The following ALK variants were observed in gnomAD, a reference collection of about 807,000 sequenced individuals.
The protein encoded by ALK is ALK receptor tyrosine kinase.
ALK carries 74 observed loss-of-function variants against 163.1 expected under a neutral mutation model. The observed-to-expected ratio is 0.45, with a 90% CI of 0.38 to 0.55. ALK has a LOEUF of 0.55. Ranked by LOEUF, ALK falls within the 20% of genes least tolerant of loss-of-function variation. ALK has a pLI of 0.00. For missense variants in ALK, 2,063 were observed against 2,105.3 expected (o/e 0.98, Z 0.39); for synonymous variants, 960 against 843.2 (o/e 1.14, Z -2.40).
intron 3 of ALK, among the ~76,000 whole-genome samples, chr2:29,637,225 T>A (rs1277896777): frequency 6.6e-6 from 1 of 152,166 alleles, no homozygotes; most frequent in Non-Finnish European, 1.5e-5. Context: ...CTGTGGTACC[T>A]CCATACCATG....
chr2:29,452,731 C>T (rs552948056), intron 4 of ALK, among the ~76,000 whole-genome samples: 32 of 152,222 alleles, frequency 2.1e-4, no homozygotes, highest in African/African-American at 6.3e-4. Context: ...CAAGTGTAAC[C>T]GACGACTAAC....
intron 9 of ALK, among the ~76,000 whole-genome samples, chr2:29,289,281 A>T (rs571035266): frequency 5.9e-4 from 90 of 152,282 alleles, no homozygotes; most frequent in African/African-American, 2.1e-3. Flanking sequence ...CAGGCTGCTG[A>T]TGAAGCCAGG....
chr2:29,696,530 T>TA (rs60320646), intron 2 of ALK, among the ~76,000 whole-genome samples: 1,466 of 103,776 alleles, frequency 0.014, 34 homozygotes, highest in African/African-American at 0.049. Context: ...CTTAAAGGAT[T>TA]AAAAAAAAAA....
chr2:29,920,226 A>G lies in ALK; in HGVS notation c.434T>C (p.Leu145Pro), dbSNP rs1305698643. The G allele has an allele frequency of 1.2e-6, 2 of 1,612,072 alleles. No individual in the cohort carries two copies. Among genetic ancestry groups the G allele is most frequent in the African/African-American group, 2.7e-5 (2 of 74,920 alleles). The stretch of plus-strand genomic sequence containing the variant: ...ACCCTCCAAGATCGCCTCCTCGCCC[A>G]GCTCCAGCACCAACTGCTTGGCACG... Reference protein sequence around the residue: ...LRRAKQLVLELGEEAILEGCV... With the variant: ...LRRAKQLVLEPGEEAILEGCV... Residue 145 changes from leucine (L) to proline (P), a missense_variant, in exon 1 of 29, where the codon CTG (leucine) becomes CCG (proline). Transcript: ENST00000389048.
chr2:29,574,961 C>A (rs558938441), intron 3 of ALK, among the ~76,000 whole-genome samples: 2 of 152,278 alleles, frequency 1.3e-5, no homozygotes, highest in Admixed American at 6.5e-5. Context: ...AATACCTGCA[C>A]GGCAACTTCA....
At chr2:29,492,522 C>CAGTG in intron 4 of ALK, among the ~76,000 whole-genome samples, 1 of 152,124 alleles carries the variant, frequency 6.6e-6, no homozygotes, top group Non-Finnish European at 1.5e-5. Context: ...CACACTGGAC[C>CAGTG]CTATTCAGTG....
At chr2:29,833,209 G>T (rs1464040485) in intron 1 of ALK, among the ~76,000 whole-genome samples, 3 of 152,190 alleles carry the variant, frequency 2.0e-5, no homozygotes, top group East Asian at 3.8e-4. Context: ...CCAGGTATCA[G>T]ATTGAAAGAA....
At chr2:29,850,827 C>A (rs949315225) in intron 1 of ALK, among the ~76,000 whole-genome samples, 1 of 152,208 alleles carries the variant, frequency 6.6e-6, no homozygotes, top group Admixed American at 6.5e-5. Context: ...GCCCTTTCCT[C>A]GTCCAGGAAG....
chr2:29,460,655 G>C (rs533847706), intron 4 of ALK, among the ~76,000 whole-genome samples: 1 of 152,228 alleles, frequency 6.6e-6, no homozygotes, highest in Admixed American at 6.5e-5. Flanking sequence ...AAATAAAACA[G>C]TGAATTTAAT....
At chr2:29,441,485 G>T (rs961508168) in intron 4 of ALK, among the ~76,000 whole-genome samples, 2 of 152,220 alleles carry the variant, frequency 1.3e-5, no homozygotes, top group Non-Finnish European at 2.9e-5. Context: ...GGGTACCAGG[G>T]AAGCTCTTGA....
At chr2:29,690,451 A>C (rs1167472038) in intron 3 of ALK, among the ~76,000 whole-genome samples, 2 of 152,114 alleles carry the variant, frequency 1.3e-5, no homozygotes, top group Non-Finnish European at 2.9e-5. Flanking sequence ...ATGGGCTGAG[A>C]GTGTGTTTTC....
chr2:29,647,659 C>T (rs951045556), intron 3 of ALK, among the ~76,000 whole-genome samples: 1 of 152,106 alleles, frequency 6.6e-6, no homozygotes, highest in Non-Finnish European at 1.5e-5. Context: ...CTGATTAAGC[C>T]CGTCCATACA....
At chr2:29,325,767 G>C (rs1667238293) in intron 6 of ALK, among the ~76,000 whole-genome samples, 1 of 152,162 alleles carries the variant, frequency 6.6e-6, no homozygotes. Context: ...AACAAAGATG[G>C]GTACAATAGC....
chr2:29,370,901 A>G (rs868711788), intron 5 of ALK, among the ~76,000 whole-genome samples: 27 of 152,168 alleles, frequency 1.8e-4, no homozygotes, highest in Admixed American at 9.8e-4. Flanking sequence ...GAAGGAAATG[A>G]TAAGACTCTG....
intron 1 of ALK, among the ~76,000 whole-genome samples, chr2:29,847,155 C>T (rs1403826657): frequency 6.6e-6 from 1 of 152,106 alleles, no homozygotes; most frequent in African/African-American, 2.4e-5. Context: ...CCAGGGGCTC[C>T]TCCCTTCCCT....
At chr2:29,537,771 G>C (rs1427893773) in intron 3 of ALK, among the ~76,000 whole-genome samples, 1 of 152,232 alleles carries the variant, frequency 6.6e-6, no homozygotes, top group Admixed American at 6.5e-5. Flanking sequence ...CAATCTGTGG[G>C]AGCAGCCATG....
chr2:29,809,288 A>T (rs988677213), intron 1 of ALK, among the ~76,000 whole-genome samples: 1 of 152,230 alleles, frequency 6.6e-6, no homozygotes, highest in African/African-American at 2.4e-5. Context: ...ACATTGTTTC[A>T]TTTAATCCTC....
intron 1 of ALK, among the ~76,000 whole-genome samples, chr2:29,883,394 C>A (rs1412325869): frequency 6.6e-6 from 1 of 152,096 alleles, no homozygotes; most frequent in Non-Finnish European, 1.5e-5. Flanking sequence ...CCTTCAAGGC[C>A]CAGGTTTAGG....
At chr2:29,271,705 G>A (rs1314768090) in intron 11 of ALK, among the ~76,000 whole-genome samples, 1 of 152,248 alleles carries the variant, frequency 6.6e-6, no homozygotes, top group African/African-American at 2.4e-5. Context: ...AACCAGCCAG[G>A]GCCCAGTGGG....
Sources: gnomAD v4.1 joint callset for allele counts (sites outside exome capture counted in the v4.1 genomes callset) on GRCh38, gnomAD v4.1.1 for gene constraint, MANE v1.5 for transcripts, NCBI Gene and HGNC (gene_info 2026-07-23, HGNC 2026-07-21) for gene names.